Variants in FNDC7 observed in about 807,000 individuals in gnomAD.
The protein encoded by FNDC7 is fibronectin type III domain containing 7.
A neutral mutation model predicts 74.2 loss-of-function variants in FNDC7; 66 were observed. The observed-to-expected ratio is 0.89, with a 90% CI of 0.73 to 1.09. The LOEUF is 1.09. Among genes scored for constraint, FNDC7 ranks in the 50% least tolerant of loss-of-function variants. FNDC7 has a pLI of 0.00. For missense variants in FNDC7, 829 were observed against 893.4 expected, an observed-to-expected ratio of 0.93 and a Z score of 0.92; for synonymous variants, 307 against 330.2, an observed-to-expected ratio of 0.93 and a Z score of 0.76.
chr1:108,717,899 A>G lies in FNDC7; in HGVS notation c.205A>G (p.Ile69Val). 6.4e-7 allele frequency: 1 copy of G among 1,551,730 alleles called. No homozygotes were observed. The highest frequency in any genetic ancestry group is 8.7e-7 in the Non-Finnish European group (1 of 1,146,996). The change falls in exon 3 of 13, where the codon ATT becomes GTT. Residue 69 changes from isoleucine to valine, a missense_variant. Coordinates refer to ENST00000370017, the MANE Select transcript of FNDC7 (RefSeq NM_001144937.3). ...LLTAEDGDTVIETTVANSPGT... is the reference protein window; with the variant it reads ...LLTAEDGDTVVETTVANSPGT... ...CACGGCTGAAGACGGGGACACAGTC[A>G]TTGAAACCACGGTGGCCAATTCCCC...
chr1:108,715,278 G>A (rs562415220), intron 2 of FNDC7, among the ~76,000 whole-genome samples: 4 of 152,242 alleles, frequency 2.6e-5, no homozygotes, highest in African/African-American at 9.6e-5. Flanking sequence ...GAATCAAAGG[G>A]TTCATTTTTG....
intron 11 of FNDC7, among the ~76,000 whole-genome samples, chr1:108,740,663 C>T (rs1391076218): frequency 6.6e-6 from 1 of 152,142 alleles, no homozygotes; most frequent in East Asian, 1.9e-4. Context: ...GGATTCAAAT[C>T]CTGCCACCAT....
At chr1:108,734,722 T>C (rs1370699383) in intron 10 of FNDC7, 1 of 152,202 alleles carries the variant, frequency 6.6e-6, no homozygotes, top group African/African-American at 2.4e-5. Context: ...GCCCAAAGCA[T>C]AGCCCTATGG....
In FNDC7 at chr1:108,740,067, A is replaced by G. The variant is rs569445679; in HGVS notation, c.2171-1706A>G. 2.8e-4 allele frequency among the ~76,000 whole-genome samples: 41 copies of G among 148,902 alleles called. No individual in the cohort carries two copies. The South Asian group carries it at 4.7e-3, about 17-fold the overall frequency. ...AAAAAAAAATCCCGCAAGGCCCTCC[A>G]AAAACAAGAGTAAGCCAGATTATTT... On this transcript the variant is annotated intron_variant, in intron 11 of 12. Transcript: ENST00000370017.
intron 11 of FNDC7, among the ~76,000 whole-genome samples, chr1:108,739,933 A>G (rs1489304860): frequency 2.6e-5 from 4 of 151,236 alleles, no homozygotes; most frequent in Non-Finnish European, 5.9e-5. Context: ...AGTCCCAACT[A>G]TTCAGGAGGC....
chr1:108,729,412 G>T (rs1179632954), intron 8 of FNDC7, among the ~76,000 whole-genome samples: 2 of 152,182 alleles, frequency 1.3e-5, no homozygotes, highest in Non-Finnish European at 2.9e-5. Flanking sequence ...AGCTAGGCGG[G>T]GTGGTGGGCA....
chr1:108,715,411 A>G (rs1266680521), intron 2 of FNDC7, among the ~76,000 whole-genome samples: 1 of 151,966 alleles, frequency 6.6e-6, no homozygotes, highest in Non-Finnish European at 1.5e-5. Context: ...TGGACTTTAC[A>G]CTCCAGCTTC....
intron 11 of FNDC7, among the ~76,000 whole-genome samples, chr1:108,739,492 A>G (rs957290724): frequency 6.6e-6 from 1 of 152,220 alleles, no homozygotes; most frequent in African/African-American, 2.4e-5. Context: ...TGGGTGACAG[A>G]GTGAGACACC....
chr1:108,730,164 G>A (rs1661310836), intron 8 of FNDC7, among the ~76,000 whole-genome samples: 1 of 152,056 alleles, frequency 6.6e-6, no homozygotes, highest in Admixed American at 6.6e-5. Flanking sequence ...AGATCATGAG[G>A]TCAAGAGATT....
chr1:108,729,626 T>TAGATAATGGCCTCATA (rs1349996573), intron 8 of FNDC7, among the ~76,000 whole-genome samples: 2 of 152,204 alleles, frequency 1.3e-5, no homozygotes, highest in East Asian at 3.9e-4. Context: ...AGGGTGGCTA[T>TAGATAATGGCCTCATA]GAGTATTAAG....
chr1:108,727,008 G>A (rs1020639749), intron 6 of FNDC7, among the ~76,000 whole-genome samples: 9 of 152,090 alleles, frequency 5.9e-5, no homozygotes, highest in African/African-American at 2.2e-4. Context: ...TTTGCCAGTG[G>A]GGTTCTTTAG....
chr1:108,741,910 C>G lies in FNDC7; in HGVS notation c.*38-15C>G. On this transcript the variant is annotated splice_polypyrimidine_tract_variant and intron_variant, in intron 12 of 12. Coordinates refer to ENST00000370017, the MANE Select transcript of FNDC7 (RefSeq NM_001144937.3). ...TTTTGTCTTTGTTTAAAATGTTTTC[C>G]CATTTGTCTTGCAGAGTTGTCTCAT... The G allele has an allele frequency of 8.5e-7, 1 of 1,179,590 alleles. No individual in the cohort carries two copies. Among genetic ancestry groups the G allele is most frequent in the South Asian group, 1.3e-5 (1 of 77,304 alleles). The allele number at this position is 1,179,590 out of a possible 1,614,324, so 73.1% of individuals were successfully genotyped here. A position where few individuals can be genotyped will look rare whatever the true frequency, so the allele number is the denominator to read the frequency against.
At position 108,728,002 on chromosome 1, in the gene FNDC7, G is replaced by C. The variant is rs1661257633; in HGVS notation, c.1306G>C (p.Val436Leu). Reference protein sequence around the residue: ...LECDTKYNITVYSFNEVRGSN... With the variant: ...LECDTKYNITLYSFNEVRGSN... ...GTGTGACACCAAGTACAACATCACA[G>C]TGTATTCATTCAATGAAGTCCGAGG... The change falls in exon 7 of 13, where the codon GTG becomes CTG. Residue 436 changes from valine (V) to leucine (L), a missense_variant. Coordinates refer to ENST00000370017, the MANE Select transcript of FNDC7 (RefSeq NM_001144937.3). 6.2e-7 allele frequency: 1 copy of C among 1,614,030 alleles called. No homozygotes were observed. The highest frequency in any genetic ancestry group is 1.3e-5 in the African/African-American group (1 of 74,898).
Position 108,730,862 on chromosome 1 carries a change from G to A in FNDC7, c.1813G>A (p.Val605Met), listed in dbSNP as rs1299705984. Residue 605 changes from valine to methionine, a missense_variant, in exon 9 of 13, where the codon GTG (valine) becomes ATG (methionine). Val to Met is a conservative substitution (Grantham distance 21, BLOSUM62 1). Coordinates refer to ENST00000370017, the MANE Select transcript of FNDC7 (RefSeq NM_001144937.3). Reference sequence around the variant, plus strand: ...CATCACATGTGGCATCAATTACACAGTGACATTAAAAGCAATTAGTGCCAC... The same window carrying A: ...CATCACATGTGGCATCAATTACACAATGACATTAAAAGCAATTAGTGCCAC... ...GCITCGINYT[V>M]TLKAISATGL... The A allele has an allele frequency of 3.7e-6, 6 of 1,613,866 alleles. No homozygotes were observed. Among genetic ancestry groups the A allele is most frequent in the Admixed American group, 3.3e-5 (2 of 59,990 alleles).
chr1:108,730,897 T>G lies in FNDC7; in HGVS notation c.1848T>G (p.Thr616=), dbSNP rs1234291584. Residue 616 remains threonine (T), a synonymous_variant, in exon 9 of 13, where the codon ACT becomes ACG. Transcript: ENST00000370017. ...AAGCAATTAGTGCCACCGGGTTGAC[T>G]GCAGATTGCTCCTACCAAAGTTATT... ...TLKAISATGL[T]ADCSYQSYFS... 6.2e-7 allele frequency: 1 copy of G among 1,613,068 alleles called. No individual in the cohort carries two copies. The highest frequency in any genetic ancestry group is 1.7e-5 in the Admixed American group (1 of 59,916).
At chr1:108,713,590 A>G in intron 2 of FNDC7, 61 bp downstream of exon 2, 1 of 1,409,610 alleles carries the variant, frequency 7.1e-7, no homozygotes, top group East Asian at 2.5e-5. Context: ...TCCATTGTTA[A>G]TTCACGGGCT....
At chr1:108,720,546 G>T (rs1661072103) in intron 4 of FNDC7, among the ~76,000 whole-genome samples, 1 of 152,158 alleles carries the variant, frequency 6.6e-6, no homozygotes, top group South Asian at 2.1e-4. Context: ...TAGTTTCCTA[G>T]GGCTGCTGGA....
intron 9 of FNDC7, 102 bp downstream of exon 9, chr1:108,731,030 A>G: frequency 4.7e-6 from 6 of 1,289,200 alleles, no homozygotes; most frequent in Non-Finnish European, 6.3e-6. Context: ...ATCTCCACCT[A>G]GTTTGCATTA....
At chr1:108,722,752 A>G (rs984971392) in intron 5 of FNDC7, among the ~76,000 whole-genome samples, 160 bp downstream of exon 5, 4 of 152,268 alleles carry the variant, frequency 2.6e-5, no homozygotes, top group Admixed American at 1.3e-4. Context: ...TTTGAATAAT[A>G]TTGATAGTGA....
Sources: gnomAD v4.1 joint callset for allele counts (sites outside exome capture counted in the v4.1 genomes callset) on GRCh38, gnomAD v4.1.1 for gene constraint, MANE v1.5 for transcripts, NCBI Gene and HGNC (gene_info 2026-07-23, HGNC 2026-07-21) for gene names.